Variants in CSMD1 observed in about 807,000 individuals in gnomAD.
CSMD1 encodes the protein CUB and Sushi multiple domains 1, also known as CUB and sushi domain-containing protein 1.
In CSMD1, 213 loss-of-function variants were observed where a neutral mutation model predicts 417.5. That is an observed-to-expected ratio of 0.51 (90% CI 0.46 to 0.57). The LOEUF is 0.57. CSMD1 is among the 20% of genes least tolerant of loss of function. The pLI is 0.00. For missense variants in CSMD1, 6,923 were observed against 4,529.7 expected (o/e 1.53, Z -15.17); for synonymous variants, 2,862 against 1,736.8 (o/e 1.65, Z -16.11).
At chr8:3,743,043 C>A (rs1216954334) in intron 6 of CSMD1, among the ~76,000 whole-genome samples, 1 of 152,192 alleles carries the variant, frequency 6.6e-6, no homozygotes, top group Non-Finnish European at 1.5e-5. Context: ...TCTCACTTGA[C>A]CGCCATGGTC....
chr8:2,963,492 T>C lies in CSMD1; in HGVS notation c.9281-97A>G, dbSNP rs966982093. ...ATTTTAATTTTACCTGAATTACAAA[T>C]GACATCTACATAGGTTTTTAAAAAA... is the stretch of plus-strand genomic sequence containing the variant. On this transcript the variant is annotated intron_variant, in intron 59 of 69. Coordinates refer to ENST00000635120, the MANE Select transcript of CSMD1 (RefSeq NM_033225.6). 4 of 1,247,434 alleles carry C rather than the reference T, an allele frequency of 3.2e-6. No homozygotes were observed. In the African/African-American group the frequency reaches 4.4e-5, roughly 14 times the overall value. The allele number at this position is 1,247,434 out of a possible 1,614,324, so 77.3% of individuals were successfully genotyped here.
At chr8:4,120,075 A>G (rs1436788853) in intron 3 of CSMD1, among the ~76,000 whole-genome samples, 2 of 152,246 alleles carry the variant, frequency 1.3e-5, no homozygotes, top group African/African-American at 4.8e-5. Flanking sequence ...TATTTGTAAT[A>G]CAAAGGATAA....
At chr8:3,594,011 T>C (rs1800976414) in intron 8 of CSMD1, among the ~76,000 whole-genome samples, 2 of 152,196 alleles carry the variant, frequency 1.3e-5, no homozygotes, top group African/African-American at 2.4e-5. Context: ...TTTCTAACTT[T>C]AGAGCAACAG....
intron 54 of CSMD1, among the ~76,000 whole-genome samples, chr8:2,979,583 C>T (rs1805236252): frequency 6.6e-6 from 1 of 152,248 alleles, no homozygotes; most frequent in African/African-American, 2.4e-5. Flanking sequence ...CCAGATATTT[C>T]TGGCTCAGAA....
chr8:4,194,000 C>T (rs1257228681), intron 3 of CSMD1, among the ~76,000 whole-genome samples: 10 of 151,902 alleles, frequency 6.6e-5, no homozygotes, highest in Admixed American at 1.3e-4. Context: ...CTATATATCC[C>T]CTTCATAATG....
At chr8:3,607,449 T>A (rs970745931) in intron 8 of CSMD1, among the ~76,000 whole-genome samples, 1 of 152,234 alleles carries the variant, frequency 6.6e-6, no homozygotes, top group South Asian at 2.1e-4. Context: ...CATGAACTAC[T>A]AAGACAGTCA....
chr8:4,321,351 C>T (rs188820658), intron 3 of CSMD1, among the ~76,000 whole-genome samples: 22 of 152,192 alleles, frequency 1.4e-4, no homozygotes, highest in Admixed American at 7.2e-4. Flanking sequence ...TCTCCTCTCC[C>T]GCGCTGGCAG....
At chr8:4,934,719 T>C (rs1269654394) in intron 1 of CSMD1, among the ~76,000 whole-genome samples, 1 of 152,212 alleles carries the variant, frequency 6.6e-6, no homozygotes, top group African/African-American at 2.4e-5. Context: ...TCAGTTTTCA[T>C]CCATCTATAT....
chr8:3,488,422 T>C (rs1329557045), intron 11 of CSMD1, among the ~76,000 whole-genome samples: 3 of 152,214 alleles, frequency 2.0e-5, no homozygotes, highest in African/African-American at 7.2e-5. Flanking sequence ...ACATGTCTTT[T>C]GACCTTTTAC....
chr8:4,066,436 T>A (rs56979649), intron 3 of CSMD1, among the ~76,000 whole-genome samples: 2,683 of 152,340 alleles, frequency 0.018, 90 homozygotes, highest in African/African-American at 0.061. Flanking sequence ...GCCTTGCACA[T>A]GCTAGCTACC....
At chr8:3,457,780 T>C (rs776241275) in intron 12 of CSMD1, among the ~76,000 whole-genome samples, 7 of 152,124 alleles carry the variant, frequency 4.6e-5, no homozygotes, top group Non-Finnish European at 1.0e-4. Context: ...AAATTCCAAT[T>C]GAAAGGAAAA....
intron 3 of CSMD1, among the ~76,000 whole-genome samples, chr8:4,281,973 G>A (rs1796808510): frequency 6.6e-6 from 1 of 152,184 alleles, no homozygotes; most frequent in Admixed American, 6.5e-5. Flanking sequence ...TTTACCAATT[G>A]CAAATGCATT....
At chr8:3,837,990 T>C (rs755518841) in intron 5 of CSMD1, among the ~76,000 whole-genome samples, 13 of 152,130 alleles carry the variant, frequency 8.5e-5, no homozygotes, top group African/African-American at 1.2e-4. Context: ...ACTGGCTTCT[T>C]GGACTTCTGA....
intron 10 of CSMD1, among the ~76,000 whole-genome samples, chr8:3,560,482 T>G (rs995153018): frequency 6.6e-6 from 1 of 152,174 alleles, no homozygotes; most frequent in African/African-American, 2.4e-5. Flanking sequence ...ATTCTTCTCA[T>G]GCTGTATTAG....
chr8:4,028,937 G>T (rs905167248), intron 4 of CSMD1, among the ~76,000 whole-genome samples: 1 of 152,186 alleles, frequency 6.6e-6, no homozygotes, highest in African/African-American at 2.4e-5. Context: ...CAGTAAAATA[G>T]TATTTTTGGA....
intron 26 of CSMD1, among the ~76,000 whole-genome samples, chr8:3,244,326 T>A (rs1384951840): frequency 1.3e-5 from 2 of 152,148 alleles, no homozygotes. Context: ...AATTTAGGAA[T>A]CAGGCAGTCA....
intron 1 of CSMD1, among the ~76,000 whole-genome samples, chr8:4,844,953 C>T (rs1042189909): frequency 2.0e-5 from 3 of 152,144 alleles, no homozygotes; most frequent in African/African-American, 4.8e-5. Context: ...GTCAATTTGG[C>T]AGCTCATGAA....
At chr8:3,340,303 A>C (rs1197442873) in intron 23 of CSMD1, among the ~76,000 whole-genome samples, 1 of 152,202 alleles carries the variant, frequency 6.6e-6, no homozygotes, top group Non-Finnish European at 1.5e-5. Flanking sequence ...AGGATTGTAA[A>C]GTTGAAAGGT....
intron 4 of CSMD1, among the ~76,000 whole-genome samples, chr8:4,013,505 C>G (rs1188789966): frequency 6.6e-6 from 1 of 152,156 alleles, no homozygotes; most frequent in Admixed American, 6.5e-5. Context: ...CCTGTCCAGG[C>G]AGTGACCAGG....
Sources: gnomAD v4.1 joint callset for allele counts (sites outside exome capture counted in the v4.1 genomes callset) on GRCh38, gnomAD v4.1.1 for gene constraint, MANE v1.5 for transcripts, NCBI Gene and HGNC (gene_info 2026-07-23, HGNC 2026-07-21) for gene names.